JARID2: variants seen among roughly 807,000 people sequenced by gnomAD.
The protein encoded by JARID2 is jumonji and AT-rich interaction domain containing 2.
In JARID2, 21 loss-of-function variants were observed where a neutral mutation model predicts 125.6. That is an observed-to-expected ratio of 0.17 (90% CI 0.12 to 0.24). The LOEUF (loss-of-function observed/expected upper bound fraction) is 0.24, where lower values mean the gene tolerates loss of function less well. Ranked by LOEUF, JARID2 falls within the 10% of genes least tolerant of loss-of-function variation. JARID2 has a pLI of 1.00. For missense variants in JARID2, 1,303 were observed against 1,639.6 expected, an observed-to-expected ratio of 0.79 and a Z score of 3.55; for synonymous variants, 736 against 661.6, an observed-to-expected ratio of 1.11 and a Z score of -1.73.
intron 1 of JARID2, among the ~76,000 whole-genome samples, chr6:15,337,038 C>G (rs530832262): frequency 6.6e-6 from 1 of 152,068 alleles, no homozygotes; most frequent in South Asian, 2.1e-4. Flanking sequence ...TTCCATTGTC[C>G]TCCTCGCAGG....
chr6:15,353,264 G>T (rs1471954781), intron 1 of JARID2, among the ~76,000 whole-genome samples: 1 of 152,102 alleles, frequency 6.6e-6, no homozygotes, highest in Non-Finnish European at 1.5e-5. Flanking sequence ...GTATCGCATT[G>T]CTGTTTTAAT....
chr6:15,444,068 C>G (rs1034958940), intron 3 of JARID2, among the ~76,000 whole-genome samples: 2 of 152,136 alleles, frequency 1.3e-5, no homozygotes, highest in African/African-American at 4.8e-5. Flanking sequence ...ACAAAGTGTT[C>G]CATCAGTTTA....
At chr6:15,296,731 TA>T (rs1226383035) in intron 1 of JARID2, among the ~76,000 whole-genome samples, 1 of 152,228 alleles carries the variant, frequency 6.6e-6, no homozygotes, top group Non-Finnish European at 1.5e-5. Flanking sequence ...CGTGTCCCTG[TA>T]ACATGTCCCC....
At chr6:15,286,496 C>T (rs1447454416) in intron 1 of JARID2, among the ~76,000 whole-genome samples, 4 of 151,732 alleles carry the variant, frequency 2.6e-5, no homozygotes, top group Admixed American at 6.6e-5. Context: ...ATGATCCACC[C>T]GCCTTGGCCT....
intron 1 of JARID2, among the ~76,000 whole-genome samples, chr6:15,311,559 CAA>C (rs999077006): frequency 1.3e-5 from 2 of 152,134 alleles, no homozygotes; most frequent in African/African-American, 2.4e-5. Flanking sequence ...GCCTGGGCAA[CAA>C]GAGCGAAACT....
Position 15,504,425 on chromosome 6 carries a change from G to A in JARID2, c.2449-75G>A, listed in dbSNP as rs557399404. 307 of 1,091,246 alleles carry A rather than the reference G, an allele frequency of 2.8e-4. 1 individual carries two copies. The highest frequency in any genetic ancestry group is 1.0e-3 in the Middle Eastern group (5 of 5,016). 67.6% of individuals were successfully genotyped at this position (1,091,246 alleles called of 1,614,324 possible). A position where few individuals can be genotyped will look rare whatever the true frequency, so the allele number is the denominator to read the frequency against. ...GGGACGCCAAGGGGCAGCGGCCCAT[G>A]ACAGGTGTCTGGCCTCATTTGCAGT... On this transcript the variant is annotated intron_variant, in intron 8 of 17. Coordinates refer to ENST00000341776, the MANE Select transcript of JARID2 (RefSeq NM_004973.4).
intron 3 of JARID2, among the ~76,000 whole-genome samples, chr6:15,424,603 A>G (rs1211863923): frequency 1.3e-5 from 2 of 152,124 alleles, no homozygotes; most frequent in East Asian, 1.9e-4. Context: ...CACGCCTGTA[A>G]TCCCAGCACT....
At chr6:15,413,335 C>T (rs1581524881) in intron 3 of JARID2, among the ~76,000 whole-genome samples, 1 of 152,198 alleles carries the variant, frequency 6.6e-6, no homozygotes, top group Non-Finnish European at 1.5e-5. Flanking sequence ...TAAGACTGAC[C>T]ATTTGCATTC....
intron 2 of JARID2, among the ~76,000 whole-genome samples, chr6:15,403,356 G>T (rs1765513203): frequency 6.6e-6 from 1 of 152,134 alleles, no homozygotes; most frequent in Non-Finnish European, 1.5e-5. Context: ...TGTTGGTTAG[G>T]ATGTACGAAG....
intron 2 of JARID2, among the ~76,000 whole-genome samples, chr6:15,400,680 G>C (rs991853094): frequency 2.0e-5 from 3 of 151,836 alleles, no homozygotes; most frequent in African/African-American, 7.3e-5. Context: ...TATCAGGGTG[G>C]GGGGAGCCAG....
rs920250148 is a variant in JARID2 at position 15,496,072 on chromosome 6, A to G, written c.907-60A>G. On this transcript the variant is annotated intron_variant, in intron 6 of 17. Coordinates refer to ENST00000341776, the MANE Select transcript of JARID2 (RefSeq NM_004973.4). The stretch of plus-strand genomic sequence containing the variant: ...GTCCTTTCTCACGGGTGGGCCGGTC[A>G]TTTTAGTGGCAGGTACTAATTCTGC... The G allele has an allele frequency of 2.1e-6, 3 of 1,438,948 alleles. No homozygotes were observed. The Admixed American group carries it at 5.8e-5, about 28-fold the overall frequency. The allele number at this position is 1,438,948 out of a possible 1,614,324, so 89.1% of individuals were successfully genotyped here. A position where few individuals can be genotyped will look rare whatever the true frequency, so the allele number is the denominator to read the frequency against.
chr6:15,470,517 G>A (rs1769023769), intron 5 of JARID2, among the ~76,000 whole-genome samples: 1 of 152,176 alleles, frequency 6.6e-6, no homozygotes, highest in Non-Finnish European at 1.5e-5. Context: ...TTGTTGTTGG[G>A]CATTTCTGCT....
intron 5 of JARID2, among the ~76,000 whole-genome samples, chr6:15,469,292 CTCTCTG>C (rs1250090686): frequency 1.1e-4 from 8 of 75,228 alleles, no homozygotes; most frequent in East Asian, 3.7e-4. Flanking sequence ...CTGTCTCTGT[CTCTCTG>C]TCTCTGTCTC....
intron 4 of JARID2, among the ~76,000 whole-genome samples, chr6:15,466,786 A>G (rs1768761072): frequency 6.6e-6 from 1 of 152,302 alleles, no homozygotes; most frequent in South Asian, 2.1e-4. Context: ...GGTCCAGTGG[A>G]AATGTGGATA....
chr6:15,339,338 T>G (rs985711123), intron 1 of JARID2, among the ~76,000 whole-genome samples: 5 of 152,070 alleles, frequency 3.3e-5, no homozygotes, highest in African/African-American at 4.8e-5. Flanking sequence ...AGGATAAATA[T>G]ATTACTCAGG....
At chr6:15,450,525 G>T (rs1285144741) in intron 3 of JARID2, among the ~76,000 whole-genome samples, 1 of 152,114 alleles carries the variant, frequency 6.6e-6, no homozygotes, top group Non-Finnish European at 1.5e-5. Flanking sequence ...TCCATCCTAC[G>T]TAGTGTTTGG....
At chr6:15,491,217 G>A (rs1770134807) in intron 6 of JARID2, among the ~76,000 whole-genome samples, 1 of 152,222 alleles carries the variant, frequency 6.6e-6, no homozygotes, top group Non-Finnish European at 1.5e-5. Flanking sequence ...TGCACTTGCT[G>A]GTGGTGGGGT....
intron 1 of JARID2, among the ~76,000 whole-genome samples, chr6:15,334,029 G>A (rs943707068): frequency 1.3e-5 from 2 of 152,228 alleles, no homozygotes; most frequent in South Asian, 4.2e-4. Context: ...CTTAGCGTGC[G>A]GAAGTCCATA....
At chr6:15,284,522 T>G (rs1029456403) in intron 1 of JARID2, among the ~76,000 whole-genome samples, 1 of 152,034 alleles carries the variant, frequency 6.6e-6, no homozygotes, top group African/African-American at 2.4e-5. Flanking sequence ...TTTTTTTTTT[T>G]TTTTTGAGAC....
Sources: gnomAD v4.1 joint callset for allele counts (sites outside exome capture counted in the v4.1 genomes callset) on GRCh38, gnomAD v4.1.1 for gene constraint, MANE v1.5 for transcripts, NCBI Gene and HGNC (gene_info 2026-07-23, HGNC 2026-07-21) for gene names.